Variants in POU6F2 observed in about 807,000 individuals in gnomAD.
POU6F2 encodes POU class 6 homeobox 2, also known as POU domain, class 6, transcription factor 2.
POU6F2 carries 31 observed loss-of-function variants against 71.3 expected under a neutral mutation model. That is an observed-to-expected ratio of 0.43 (90% CI 0.33 to 0.59). The LOEUF (loss-of-function observed/expected upper bound fraction) is 0.59, where lower values mean the gene tolerates loss of function less well. Ranked by LOEUF, POU6F2 falls within the 20% of genes least tolerant of loss-of-function variation. The pLI, the probability that POU6F2 is intolerant of heterozygous loss-of-function variation, is 0.04. For missense variants in POU6F2, 783 were observed against 856.8 expected (o/e 0.91, Z 1.07); for synonymous variants, 347 against 355.7 (o/e 0.98, Z 0.27).
chr7:38,991,405 G>A (rs111528403), intron 1 of POU6F2, among the ~76,000 whole-genome samples: 3 of 152,054 alleles, frequency 2.0e-5, no homozygotes, highest in African/African-American at 7.2e-5. Flanking sequence ...AGCATCTTGT[G>A]CCCTGCATTT....
Position 39,108,507 on chromosome 7 carries a change from C to G in POU6F2, c.277+22476C>G, listed in dbSNP as rs184175738. 1.9e-3 allele frequency among the ~76,000 whole-genome samples: 295 copies of G among 152,250 alleles called. 1 individual carries two copies. Among genetic ancestry groups the G allele is most frequent in the African/African-American group, 6.7e-3 (280 of 41,554 alleles). On this transcript the variant is annotated intron_variant, in intron 2 of 9. Coordinates refer to ENST00000518318, the MANE Select transcript of POU6F2 (RefSeq NM_001370959.1). ...GGGTCTACACCTCTGATCAGTGGCC[C>G]AGGGGAGGCTCTGGGGTACCCTGTG...
intron 7 of POU6F2, 38 bp downstream of exon 7, chr7:39,433,321 A>G (rs1396832197): frequency 1.2e-6 from 2 of 1,608,088 alleles, no homozygotes; most frequent in African/African-American, 2.7e-5. Flanking sequence ...GGCACAGGAC[A>G]CTGTCCTTAC....
chr7:39,424,591 C>CA lies in POU6F2; in HGVS notation c.1114-8484dup, dbSNP rs201139045. On this transcript the variant is annotated intron_variant, in intron 6 of 9. Coordinates refer to ENST00000518318, the MANE Select transcript of POU6F2 (RefSeq NM_001370959.1). ...CAGGAATAGACCAAGAAGGTGGTTA[C>CA]AATGACTCCTCACTTAATTCTCATC... Among the ~76,000 whole-genome samples, 1,263 of 152,246 alleles carry CA rather than the reference C, an allele frequency of 8.3e-3. 21 individuals carry two copies. The highest frequency in any genetic ancestry group is 0.029 in the African/African-American group (1,190 of 41,538).
chr7:39,349,265 C>T (rs945501473), intron 5 of POU6F2, among the ~76,000 whole-genome samples: 5 of 152,194 alleles, frequency 3.3e-5, no homozygotes, highest in Admixed American at 2.6e-4. Context: ...GGTTGCTTCT[C>T]GTGGCAGCTG....
At chr7:39,145,335 T>G (rs1353224629) in intron 2 of POU6F2, among the ~76,000 whole-genome samples, 1 of 152,202 alleles carries the variant, frequency 6.6e-6, no homozygotes, top group Non-Finnish European at 1.5e-5. Context: ...TTGGAATTGG[T>G]GAGCATATGA....
At chr7:39,326,449 C>A (rs926657100) in intron 4 of POU6F2, among the ~76,000 whole-genome samples, 3 of 152,208 alleles carry the variant, frequency 2.0e-5, no homozygotes, top group Non-Finnish European at 4.4e-5. Flanking sequence ...ATCTGCTGAG[C>A]AAACAGATTT....
intron 1 of POU6F2, among the ~76,000 whole-genome samples, chr7:39,055,659 CAG>C (rs1441151268): frequency 6.6e-6 from 1 of 151,720 alleles, no homozygotes; most frequent in East Asian, 1.9e-4. Flanking sequence ...ATTTTGTGAT[CAG>C]AGTCTGTATG....
rs75834258 is a variant in POU6F2 at position 39,185,691 on chromosome 7, G to C, written c.278-18544G>C. 4.1e-3 allele frequency among the ~76,000 whole-genome samples: 620 copies of C among 152,008 alleles called. 5 individuals carry two copies. Among genetic ancestry groups the C allele is most frequent in the African/African-American group, 0.014 (590 of 41,440 alleles). ...TAGTTTAATGGTAGCTTCATTGCCA[G>C]GTTGTAGGCCCCAGAGGCTCAGGGA... is the stretch of plus-strand genomic sequence containing the variant. On this transcript the variant is annotated intron_variant, in intron 2 of 9. Transcript: ENST00000518318.
chr7:39,251,476 G>A (rs1376036711), intron 4 of POU6F2, among the ~76,000 whole-genome samples: 1 of 152,144 alleles, frequency 6.6e-6, no homozygotes, highest in Admixed American at 6.5e-5. Flanking sequence ...GAGCTGGTTT[G>A]TTTGTTCTTT....
In POU6F2 at chr7:39,229,488, A is replaced by G. The variant is rs144584352; in HGVS notation, c.598+21868A>G. Among the ~76,000 whole-genome samples, 11 of 152,340 alleles carry G rather than the reference A, an allele frequency of 7.2e-5. No individual in the cohort carries two copies. The East Asian group carries it at 1.9e-3, about 27-fold the overall frequency. ...GCTCATCCCGAGGTTTAATTTCCCA[A>G]CAATGATTCCAGAAACACGTACAGG... is the stretch of plus-strand genomic sequence containing the variant. On this transcript the variant is annotated intron_variant, in intron 4 of 9. Coordinates refer to ENST00000518318, the MANE Select transcript of POU6F2 (RefSeq NM_001370959.1).
chr7:39,090,110 A>G (rs2128721721), intron 2 of POU6F2, among the ~76,000 whole-genome samples: 1 of 152,176 alleles, frequency 6.6e-6, no homozygotes, highest in East Asian at 1.9e-4. Flanking sequence ...AGGATAAAAG[A>G]AATTGCATGC....
intron 5 of POU6F2, among the ~76,000 whole-genome samples, chr7:39,361,206 T>C (rs1021889937): frequency 6.6e-6 from 1 of 152,244 alleles, no homozygotes; most frequent in African/African-American, 2.4e-5. Context: ...TAAATGTAGC[T>C]GTGAGCTCTG....
intron 7 of POU6F2, among the ~76,000 whole-genome samples, chr7:39,439,802 T>G (rs895159279): frequency 6.6e-6 from 1 of 152,178 alleles, no homozygotes; most frequent in African/African-American, 2.4e-5. Flanking sequence ...TTGGTGTGTT[T>G]TTGCAGTGGC....
intron 1 of POU6F2, among the ~76,000 whole-genome samples, chr7:39,024,777 C>T (rs1002985608): frequency 6.6e-6 from 1 of 152,078 alleles, no homozygotes; most frequent in African/African-American, 2.4e-5. Flanking sequence ...TGGTTTTTGT[C>T]TTTGGTTCTG....
intron 9 of POU6F2, among the ~76,000 whole-genome samples, chr7:39,461,130 T>G (rs1788939148): frequency 6.6e-6 from 1 of 152,196 alleles, no homozygotes; most frequent in Non-Finnish European, 1.5e-5. Context: ...TATCAGGATT[T>G]TCCAAGAAAA....
At chr7:39,059,846 A>C (rs35891708) in intron 1 of POU6F2, among the ~76,000 whole-genome samples, 18,960 of 152,246 alleles carry the variant, frequency 0.12, 1,550 homozygotes, top group South Asian at 0.25. Context: ...TTATTTAGTC[A>C]TAGGAAAGAA....
intron 1 of POU6F2, among the ~76,000 whole-genome samples, chr7:39,031,941 G>A (rs558679566): frequency 1.2e-4 from 18 of 152,160 alleles, no homozygotes; most frequent in African/African-American, 3.4e-4. Context: ...AGATTTACAA[G>A]CTCTGACTTG....
chr7:39,458,106 C>A (rs1195428595), intron 8 of POU6F2, among the ~76,000 whole-genome samples: 1 of 141,010 alleles, frequency 7.1e-6, no homozygotes, highest in Non-Finnish European at 1.5e-5. Flanking sequence ...CACCATTGTA[C>A]TAAGACTTTT....
intron 2 of POU6F2, among the ~76,000 whole-genome samples, chr7:39,112,095 T>C (rs1487484865): frequency 6.6e-6 from 1 of 152,168 alleles, no homozygotes; most frequent in African/African-American, 2.4e-5. Flanking sequence ...CCTCTGTTCT[T>C]ACCCTTCCAG....
Sources: gnomAD v4.1 joint callset for allele counts (sites outside exome capture counted in the v4.1 genomes callset) on GRCh38, gnomAD v4.1.1 for gene constraint, MANE v1.5 for transcripts, NCBI Gene and HGNC (gene_info 2026-07-23, HGNC 2026-07-21) for gene names.